Variants in SLC17A7 observed in about 807,000 individuals in gnomAD.
SLC17A7 encodes vesicular glutamate transporter 1.
In SLC17A7, 15 loss-of-function variants were observed where a neutral mutation model predicts 59.1. The observed-to-expected ratio is 0.25, with a 90% confidence interval of 0.17 to 0.39. The LOEUF (loss-of-function observed/expected upper bound fraction) is 0.39, where lower values mean the gene tolerates loss of function less well. SLC17A7 is among the 10% of genes least tolerant of loss of function. The pLI is 1.00. For missense variants in SLC17A7, 499 were observed against 765.1 expected, an observed-to-expected ratio of 0.65 and a Z score of 4.10; for synonymous variants, 353 against 308.9, an observed-to-expected ratio of 1.14 and a Z score of -1.50.
chr19:49,440,598 G>C (rs1016055204), intron 1 of SLC17A7, among the ~76,000 whole-genome samples: 1 of 152,136 alleles, frequency 6.6e-6, no homozygotes, highest in African/African-American at 2.4e-5. Flanking sequence ...AGGGACCCAG[G>C]GTGCTGTGAC....
Position 49,431,441 on chromosome 19 carries a change from G to A in SLC17A7, c.1158C>T (p.Gly386=). The part of the protein sequence containing the change: ...VRKLMNCGGF[G]MEATLLLVVG... ...CCACCAACAGCAGCGTGGCTTCCAT[G>A]CCGAAGCCTACGGGGGCGGGGGGGG... is the stretch of plus-strand genomic sequence containing the variant. The change falls in exon 10 of 12, where the codon GGC becomes GGT. Residue 386 remains glycine, a synonymous_variant. Transcript: ENST00000221485. The surrounding 1 kb of genome is among the most constrained non-coding windows in gnomAD (Gnocchi z 4.6). 1 of 1,613,732 alleles carries A rather than the reference G, an allele frequency of 6.2e-7. No homozygotes were observed. The highest frequency in any genetic ancestry group is 8.5e-7 in the Non-Finnish European group (1 of 1,179,872).
At position 49,431,405 on chromosome 19, in the gene SLC17A7, C is replaced by A. The variant is rs770878008; in HGVS notation, c.1194G>T (p.Ser398=). The part of the protein sequence containing the change: ...EATLLLVVGY[S]HSKGVAISFL... ...AGGAGATGGCCACGCCCTTGGAGTG[C>A]GAGTAGCCGACCACCAACAGCAGCG... The change falls in exon 10 of 12, where the codon TCG becomes TCT. Residue 398 remains serine, a synonymous_variant. Coordinates refer to ENST00000221485, the MANE Select transcript of SLC17A7 (RefSeq NM_020309.4). The surrounding 1 kb of genome is among the most constrained non-coding windows in gnomAD (Gnocchi z 4.6). The A allele has an allele frequency of 5.0e-6, 8 of 1,613,942 alleles. No homozygotes were observed. The South Asian group carries it at 5.5e-5, about 11-fold the overall frequency.
In SLC17A7 at chr19:49,430,695, T is replaced by C. The variant is rs1555795839; in HGVS notation, c.1507A>G (p.Met503Val). 4 of 1,614,000 alleles carry C rather than the reference T, an allele frequency of 2.5e-6. No individual in the cohort carries two copies. The highest frequency in any genetic ancestry group is 3.4e-6 in the Non-Finnish European group (4 of 1,179,976). ...EKQPWAEPEE[M>V]SEEKCGFVGH... ...ACGAAGCCACACTTCTCCTCGCTCA[T>C]CTCCTCAGGCTCTGCCCACGGCTGC... The change falls in exon 12 of 12, where the codon ATG (methionine) becomes GTG (valine). Residue 503 changes from methionine to valine, a missense_variant. Physicochemically the swap from Met to Val is conservative, Grantham distance 21 (BLOSUM62 1). Coordinates refer to ENST00000221485, the MANE Select transcript of SLC17A7 (RefSeq NM_020309.4).
rs917037989 is a variant in SLC17A7, at chr19:49,433,254, TTTTTGTA to T, written c.868-301_868-295del. 14 of 448,618 alleles carry T rather than the reference TTTTTGTA, an allele frequency of 3.1e-5. No individual in the cohort carries two copies. Among genetic ancestry groups the T allele is most frequent in the African/African-American group, 2.8e-4 (14 of 49,148 alleles). The allele number at this position is 448,618 out of a possible 1,614,324, so 27.8% of individuals were successfully genotyped here. A position where few individuals can be genotyped will look rare whatever the true frequency, so the allele number is the denominator to read the frequency against. Reference sequence around the variant, plus strand: ...TTTCTTTTTTTCTTTTTATTTTTACTTTTTGTATTTTGTATTTTGAGTAGAGACGGGG... The same window carrying T: ...TTTCTTTTTTTCTTTTTATTTTTACTTTTTGTATTTTGAGTAGAGACGGGG... On this transcript the variant is annotated intron_variant, in intron 7 of 11. Coordinates refer to ENST00000221485, the MANE Select transcript of SLC17A7 (RefSeq NM_020309.4). This position sits in a 1 kb window ranked among gnomAD's most constrained non-coding sequence, Gnocchi z 5.7.
chr19:49,433,134 C>G lies in SLC17A7; in HGVS notation c.868-174G>C, dbSNP rs554073019. ...ATGTTGCCGTGGGGACCCAGGGATC[C>G]TAGCCTCAAGGTGACACTTGAGTGA... is the stretch of plus-strand genomic sequence containing the variant. On this transcript the variant is annotated intron_variant, in intron 7 of 11. Coordinates refer to ENST00000221485, the MANE Select transcript of SLC17A7 (RefSeq NM_020309.4). This position sits in a 1 kb window ranked among gnomAD's most constrained non-coding sequence, Gnocchi z 5.7. The G allele has an allele frequency of 7.8e-5, 53 of 682,582 alleles. 1 individual carries two copies. The highest frequency in any genetic ancestry group is 5.9e-4 in the South Asian group (31 of 52,300). 42.3% of individuals were successfully genotyped at this position (682,582 alleles called of 1,614,324 possible). A position where few individuals can be genotyped will look rare whatever the true frequency, so the allele number is the denominator to read the frequency against.
intron 1 of SLC17A7, among the ~76,000 whole-genome samples, chr19:49,439,179 CT>C (rs1258654404): frequency 3.3e-5 from 5 of 150,792 alleles, no homozygotes; most frequent in African/African-American, 1.2e-4. Flanking sequence ...GTCTCTCCCT[CT>C]CTCTCTCTCT....
At position 49,431,005 on chromosome 19, in the gene SLC17A7, C is replaced by T. The variant is rs758102698; in HGVS notation, c.1389+10G>A. On this transcript the variant is annotated intron_variant, in intron 11 of 11. Transcript: ENST00000221485. This position sits in a 1 kb window ranked among gnomAD's most constrained non-coding sequence, Gnocchi z 4.6. The stretch of plus-strand genomic sequence containing the variant: ...TTGGAGGCAGACTGAGTCAGGACTG[C>T]GGCACCCACCTTGTGCTTAGTCATG... The T allele has an allele frequency of 1.2e-6, 2 of 1,600,340 alleles. No individual in the cohort carries two copies. Among genetic ancestry groups the T allele is most frequent in the Non-Finnish European group, 1.7e-6 (2 of 1,171,938 alleles).
chr19:49,437,249 G>A, intron 1 of SLC17A7: 2 of 181,998 alleles, frequency 1.1e-5, no homozygotes, highest in South Asian at 2.3e-4. Flanking sequence ...TCTCAGCCAC[G>A]TTTGCTAGGG....
chr19:49,433,333 G>A lies in SLC17A7; in HGVS notation c.868-373C>T. 2 of 410,010 alleles carry A rather than the reference G, an allele frequency of 4.9e-6. No homozygotes were observed. The highest frequency in any genetic ancestry group is 9.0e-6 in the Non-Finnish European group (2 of 222,624). 25.4% of individuals were successfully genotyped at this position (410,010 alleles called of 1,614,324 possible). On this transcript the variant is annotated intron_variant, in intron 7 of 11. Transcript: ENST00000221485. The surrounding 1 kb of genome is among the most constrained non-coding windows in gnomAD (Gnocchi z 5.7). ...TGGTCTGGAACTCCTGGGCTCAAGC[G>A]ATCCTGCAGCCTCCACCCCCAAAGT... is the stretch of plus-strand genomic sequence containing the variant.
rs762025421 is a variant in SLC17A7, at chr19:49,435,320, C to G, written c.316-34G>C. 8.7e-6 allele frequency: 13 copies of G among 1,502,106 alleles called. No homozygotes were observed. The South Asian group carries it at 1.5e-4, about 17-fold the overall frequency. The allele number at this position is 1,502,106 out of a possible 1,614,324, so 93.0% of individuals were successfully genotyped here. On this transcript the variant is annotated intron_variant, in intron 2 of 11. Transcript: ENST00000221485. ...CAAAATGTACATTAAATCAGCCGCC[C>G]TGTCCAGGCTCTGCCGCTCCACCAA...
Position 49,436,731 on chromosome 19 carries a change from G to T in SLC17A7, c.133C>A (p.Gln45Lys). ...TCCACCACCGGCGGGTCCCGGGTCTGCGTGGTCACCGGGCGCCCATCCGCA... is the reference window on the plus strand; with the variant it reads ...TCCACCACCGGCGGGTCCCGGGTCTTCGTGGTCACCGGGCGCCCATCCGCA... ...LSADGRPVTT[Q>K]TRDPPVVDCT... The change falls in exon 2 of 12, where the codon CAG (glutamine) becomes AAG (lysine). Residue 45 changes from glutamine (Q) to lysine (K), a missense_variant. Gln to Lys is a moderately conservative substitution (Grantham distance 53). Around this residue, in one of 3 missense-constraint regions of SLC17A7, gnomAD observed 78 missense variants for 80.4 expected, o/e 0.97. Transcript: ENST00000221485. This position sits in a 1 kb window ranked among gnomAD's most constrained non-coding sequence, Gnocchi z 4.1. The T allele has an allele frequency of 6.2e-7, 1 of 1,611,290 alleles. No homozygotes were observed.
At chr19:49,438,131 A>C (rs2078987007) in intron 1 of SLC17A7, 1 of 152,142 alleles carries the variant, frequency 6.6e-6, no homozygotes, top group Admixed American at 6.6e-5. Flanking sequence ...ACAGAGACCC[A>C]GAGAGAGGGA....
In SLC17A7 at chr19:49,441,414, C is replaced by A. The variant is rs566307306; in HGVS notation, c.-35G>T. Reference sequence around the variant, plus strand: ...TCCTGCCGCCGGTCACCCCGCGGGTCCCCCCCGCCGATCCCCCCGCCCGCG... The same window carrying A: ...TCCTGCCGCCGGTCACCCCGCGGGTACCCCCCGCCGATCCCCCCGCCCGCG... On this transcript the variant is annotated 5_prime_UTR_variant, in exon 1 of 12. Coordinates refer to ENST00000221485, the MANE Select transcript of SLC17A7 (RefSeq NM_020309.4). 4 of 1,444,370 alleles carry A rather than the reference C, an allele frequency of 2.8e-6. No homozygotes were observed. The South Asian group carries it at 4.0e-5, about 14-fold the overall frequency. 89.5% of individuals were successfully genotyped at this position (1,444,370 alleles called of 1,614,324 possible).
In SLC17A7 at chr19:49,430,370, A is replaced by G; in HGVS notation, c.*149T>C. On this transcript the variant is annotated 3_prime_UTR_variant, in exon 12 of 12. Coordinates refer to ENST00000221485, the MANE Select transcript of SLC17A7 (RefSeq NM_020309.4). ...CCCCTGAGAGGCAATTGGGAAGGAA[A>G]GAGGATTTGACAGCACTGGGAACAA... 3.5e-6 allele frequency: 2 copies of G among 573,354 alleles called. No individual in the cohort carries two copies. Among genetic ancestry groups the G allele is most frequent in the Non-Finnish European group, 6.0e-6 (2 of 333,170 alleles). The allele number at this position is 573,354 out of a possible 1,614,324, so 35.5% of individuals were successfully genotyped here. A position where few individuals can be genotyped will look rare whatever the true frequency, so the allele number is the denominator to read the frequency against.
chr19:49,430,643 T>C lies in SLC17A7; in HGVS notation c.1559A>G (p.Asp520Gly), dbSNP rs1568633298. Residue 520 changes from aspartate to glycine, a missense_variant, in exon 12 of 12, where the codon GAC (aspartate) becomes GGC (glycine). Asp to Gly is a moderately conservative substitution (Grantham distance 94, BLOSUM62 -1). Transcript: ENST00000221485. ...FVGHDQLAGSDDSEMEDEAEP... is the reference protein window; with the variant it reads ...FVGHDQLAGSGDSEMEDEAEP... The stretch of plus-strand genomic sequence containing the variant: ...AGCCTCATCCTCCATTTCGCTGTCG[T>C]CACTGCCAGCCAGCTGGTCATGGCC... The C allele has an allele frequency of 6.2e-7, 1 of 1,614,062 alleles. No individual in the cohort carries two copies. The highest frequency in any genetic ancestry group is 8.5e-7 in the Non-Finnish European group (1 of 1,179,974).
At position 49,430,615 on chromosome 19, in the gene SLC17A7, C is replaced by T. The variant is rs774086591; in HGVS notation, c.1587G>A (p.Glu529=). 1.2e-6 allele frequency: 2 copies of T among 1,613,990 alleles called. No individual in the cohort carries two copies. The highest frequency in any genetic ancestry group is 4.5e-5 in the East Asian group (2 of 44,882). ...SDDSEMEDEA[E]PPGAPPAPPP... ...GGGGTGCAGGGGGTGCCCCCGGGGG[C>T]TCAGCCTCATCCTCCATTTCGCTGT... Residue 529 remains glutamate (E), a synonymous_variant, in exon 12 of 12, where the codon GAG becomes GAA. Coordinates refer to ENST00000221485, the MANE Select transcript of SLC17A7 (RefSeq NM_020309.4).
intron 1 of SLC17A7, among the ~76,000 whole-genome samples, chr19:49,438,847 G>A (rs895724911): frequency 2.6e-5 from 4 of 152,086 alleles, no homozygotes; most frequent in Admixed American, 6.6e-5. Context: ...TTAATATGAG[G>A]AGATGTCAGA....
At position 49,430,293 on chromosome 19, in the gene SLC17A7, A is replaced by T; in HGVS notation, c.*226T>A. The T allele has an allele frequency of 2.3e-6, 1 of 438,940 alleles. No homozygotes were observed. The highest frequency in any genetic ancestry group is 4.0e-5 in the South Asian group (1 of 24,954). The allele number at this position is 438,940 out of a possible 1,614,324, so 27.2% of individuals were successfully genotyped here. A position where few individuals can be genotyped will look rare whatever the true frequency, so the allele number is the denominator to read the frequency against. On this transcript the variant is annotated 3_prime_UTR_variant, in exon 12 of 12. Coordinates refer to ENST00000221485, the MANE Select transcript of SLC17A7 (RefSeq NM_020309.4). ...CTGAGGCAGAACGGGTGGAGAGGGA[A>T]CCTTTAGGGGAATTTGGGTATCCTT...
rs1196814117 is a variant in SLC17A7 at position 49,432,928 on chromosome 19, C to T, written c.900G>A (p.Thr300=). 12 of 1,607,448 alleles carry T rather than the reference C, an allele frequency of 7.5e-6. No individual in the cohort carries two copies. The highest frequency in any genetic ancestry group is 1.6e-4 in the Middle Eastern group (1 of 6,080). The change falls in exon 8 of 12, where the codon ACG becomes ACA. Residue 300 remains threonine, a synonymous_variant. Coordinates refer to ENST00000221485, the MANE Select transcript of SLC17A7 (RefSeq NM_020309.4). ...KFSTPWRRFF[T]SMPVYAIIVA... Reference sequence around the variant, plus strand: ...CGATGATGGCATAGACTGGCATAGACGTGAAGAAGCGCCGCCAGGGAGTGC... The same window carrying T: ...CGATGATGGCATAGACTGGCATAGATGTGAAGAAGCGCCGCCAGGGAGTGC...
Sources: gnomAD v4.1 joint callset for allele counts (sites outside exome capture counted in the v4.1 genomes callset) on GRCh38, gnomAD v4.1.1 for gene constraint, gnomAD v4.1.1 regional missense constraint, Gnocchi (gnomAD v3.1) non-coding constraint, MANE v1.5 for transcripts, NCBI Gene and HGNC (gene_info 2026-07-23, HGNC 2026-07-21) for gene names.